The following PLVAP variants were observed in gnomAD, a reference collection of about 807,000 sequenced individuals.
PLVAP encodes the protein plasmalemma vesicle associated protein, also known as plasmalemma vesicle-associated protein.
In PLVAP, 34 loss-of-function variants were observed where a neutral mutation model predicts 43.1. The ratio of observed to expected loss-of-function variants is 0.79; its 90% confidence interval spans 0.60 to 1.05. PLVAP has a LOEUF of 1.05. Among genes scored for constraint, PLVAP ranks in the 50% least tolerant of loss-of-function variants. The pLI is 0.00. For synonymous variants in PLVAP, 241 were observed against 237.3 expected, an observed-to-expected ratio of 1.02 and a Z score of -0.14; for missense variants, 574 against 593.4, an observed-to-expected ratio of 0.97 and a Z score of 0.34.
chr19:17,366,316 CT>C, intron 1 of PLVAP, 121 bp from the exon 2 acceptor site: 1 of 836,018 alleles, frequency 1.2e-6, no homozygotes, highest in Non-Finnish European at 1.9e-6. Context: ...GGCATGGTCC[CT>C]TTATGAGGGA....
At position 17,363,741 on chromosome 19, in the gene PLVAP, ATT is replaced by A. The variant is rs35934458; in HGVS notation, c.1179+1543_1179+1544del. ...AGGTGTGTGCCACCACACCCGGCTA[ATT>A]TTTTTTTTTTTTTTTTTGAGAGAGA... On this transcript the variant is annotated intron_variant, in intron 3 of 5. Coordinates refer to ENST00000252590, the MANE Select transcript of PLVAP (RefSeq NM_031310.3). 9.4e-3 allele frequency among the ~76,000 whole-genome samples: 1,134 copies of A among 120,852 alleles called. 7 individuals are homozygous for A. The highest frequency in any genetic ancestry group is 0.025 in the African/African-American group (814 of 32,206). The allele number at this position is 120,852 out of a possible 152,430, so 79.3% of individuals were successfully genotyped here.
chr19:17,360,079 G>A (rs927471399), intron 5 of PLVAP, among the ~76,000 whole-genome samples: 3 of 152,228 alleles, frequency 2.0e-5, no homozygotes, highest in Non-Finnish European at 4.4e-5. Context: ...TTTGGGGTCC[G>A]ATGGCCTGGG....
chr19:17,354,686 G>C (rs8110502), intron 5 of PLVAP, among the ~76,000 whole-genome samples: 110,135 of 149,072 alleles, frequency 0.74, 41,064 homozygotes, highest in Middle Eastern at 0.8. Flanking sequence ...ATCACGAGAT[G>C]AGGAGATCGA....
rs150210307 is a variant in PLVAP, at chr19:17,365,502, C to T, written c.963G>A (p.Ala321=). Residue 321 remains alanine (A), a synonymous_variant, in exon 3 of 6, where the codon GCG becomes GCA. Coordinates refer to ENST00000252590, the MANE Select transcript of PLVAP (RefSeq NM_031310.3). The part of the protein sequence containing the change: ...AQQGLRASQE[A]KQKVEKEAQA... ...GAGCCTCCTTCTCCACCTTCTGTTT[C>T]GCCTCCTGACTGGCCCGCAGGCCCT... 9.9e-6 allele frequency: 16 copies of T among 1,612,334 alleles called. No individual in the cohort carries two copies. The highest frequency in any genetic ancestry group is 1.2e-5 in the Non-Finnish European group (14 of 1,180,022).
At chr19:17,357,350 G>C (rs1012224690) in intron 5 of PLVAP, among the ~76,000 whole-genome samples, 8 of 151,852 alleles carry the variant, frequency 5.3e-5, no homozygotes, top group African/African-American at 1.9e-4. Flanking sequence ...GCATGAGGTG[G>C]GTGATTTAAT....
chr19:17,353,008 G>A (rs1231293590), intron 5 of PLVAP, among the ~76,000 whole-genome samples: 1 of 152,174 alleles, frequency 6.6e-6, no homozygotes, highest in Admixed American at 6.6e-5. Flanking sequence ...GCCTTTGCAC[G>A]ATCGGAGTTG....
intron 1 of PLVAP, among the ~76,000 whole-genome samples, chr19:17,368,043 G>T (rs550821027): frequency 3.2e-4 from 46 of 145,904 alleles, no homozygotes; most frequent in African/African-American, 1.1e-3. Flanking sequence ...GATTACAGGG[G>T]CCCACCACCC....
At chr19:17,360,173 G>C (rs2074522435) in intron 5 of PLVAP, among the ~76,000 whole-genome samples, 3 of 152,318 alleles carry the variant, frequency 2.0e-5, no homozygotes, top group South Asian at 4.1e-4. Flanking sequence ...AAAGTGGGTA[G>C]AATAGTGGTT....
At chr19:17,360,892 C>CCTTTTCTTTT (rs1169138563) in intron 3 of PLVAP, 60 bp from the exon 4 acceptor site, 2 of 1,400,116 alleles carry the variant, frequency 1.4e-6, no homozygotes, top group Non-Finnish European at 9.9e-7. Context: ...CAGGCTTCTG[C>CCTTTTCTTTT]CTTTTCTTTT....
Position 17,370,669 on chromosome 19 carries a change from C to T in PLVAP, c.370-4474G>A, listed in dbSNP as rs755625924. Reference sequence around the variant, plus strand: ...AATGGGAAGTGACTGCTGATGGGGACGTGGGTTTTCTTTTGGGAAGGTGAA... The same window carrying T: ...AATGGGAAGTGACTGCTGATGGGGATGTGGGTTTTCTTTTGGGAAGGTGAA... On this transcript the variant is annotated intron_variant, in intron 1 of 5. Coordinates refer to ENST00000252590, the MANE Select transcript of PLVAP (RefSeq NM_031310.3). Among the ~76,000 whole-genome samples the T allele has an allele frequency of 3.5e-4, 53 of 151,992 alleles. No individual in the cohort carries two copies. In the Middle Eastern group the frequency reaches 0.017, roughly 49 times the overall value.
intron 5 of PLVAP, among the ~76,000 whole-genome samples, chr19:17,356,450 A>G (rs1012530550): frequency 1.3e-4 from 20 of 152,312 alleles, no homozygotes; most frequent in African/African-American, 4.8e-4. Flanking sequence ...AGTTAATACC[A>G]GCTAAGGCTT....
chr19:17,354,958 C>T (rs2074500698), intron 5 of PLVAP, among the ~76,000 whole-genome samples: 1 of 151,020 alleles, frequency 6.6e-6, no homozygotes, highest in African/African-American at 2.4e-5. Flanking sequence ...TGTGGTGGCC[C>T]AGCCTGTAAT....
intron 1 of PLVAP, among the ~76,000 whole-genome samples, chr19:17,366,887 C>T (rs1048635009): frequency 4.7e-5 from 7 of 150,464 alleles, no homozygotes; most frequent in Non-Finnish European, 1.0e-4. Context: ...CTGCCCGCCT[C>T]GGCTTCCCAA....
chr19:17,352,413 G>C (rs1014662621), intron 5 of PLVAP, 45 bp from the exon 6 acceptor site: 1 of 1,604,554 alleles, frequency 6.2e-7, no homozygotes. Context: ...GTCAGACAGA[G>C]GGAAGGGCAA....
At chr19:17,360,914 CTTTTTTTTTT>C (rs71336607) in intron 3 of PLVAP, 82 bp from the exon 4 acceptor site, 1 of 811,260 alleles carries the variant, frequency 1.2e-6, no homozygotes, top group African/African-American at 1.9e-5. Context: ...TTTTCTTTTT[CTTTTTTTTTT>C]TTTTTTTGAG....
At chr19:17,372,009 G>T (rs1041233858) in intron 1 of PLVAP, among the ~76,000 whole-genome samples, 1 of 150,778 alleles carries the variant, frequency 6.6e-6, no homozygotes, top group Admixed American at 6.6e-5. Context: ...GTCATTAGGA[G>T]GCTGAGGTGG....
rs1429709623 is a variant in PLVAP, at chr19:17,352,037, T to C, written c.*325A>G. 4 of 406,012 alleles carry C rather than the reference T, an allele frequency of 9.9e-6. No individual in the cohort carries two copies. Among genetic ancestry groups the C allele is most frequent in the Non-Finnish European group, 1.8e-5 (4 of 219,688 alleles). 25.2% of individuals were successfully genotyped at this position (406,012 alleles called of 1,614,324 possible). Reference sequence around the variant, plus strand: ...AAGTTCCCCATGTCTGTGTGCGACGTGCTGCATCTGCACGACGCCATCGCT... The same window carrying C: ...AAGTTCCCCATGTCTGTGTGCGACGCGCTGCATCTGCACGACGCCATCGCT... On this transcript the variant is annotated 3_prime_UTR_variant, in exon 6 of 6. Coordinates refer to ENST00000252590, the MANE Select transcript of PLVAP (RefSeq NM_031310.3).
intron 5 of PLVAP, among the ~76,000 whole-genome samples, chr19:17,360,121 G>T (rs917544508): frequency 6.6e-6 from 1 of 152,186 alleles, no homozygotes; most frequent in African/African-American, 2.4e-5. Flanking sequence ...GCTCCCTGGG[G>T]TACAGGGCAT....
rs187954105 is a variant in PLVAP, at chr19:17,351,907, C to A, written c.*455G>T. The A allele has an allele frequency of 4.9e-5, 10 of 205,128 alleles. No homozygotes were observed. The highest frequency in any genetic ancestry group is 2.3e-4 in the African/African-American group (10 of 43,336). 12.7% of individuals were successfully genotyped at this position (205,128 alleles called of 1,614,324 possible). On this transcript the variant is annotated 3_prime_UTR_variant, in exon 6 of 6. Transcript: ENST00000252590. The stretch of plus-strand genomic sequence containing the variant: ...TTGTCACTGTGTCTGTGTGTGACAT[C>A]ATCACCGTCTGTGTGATGCCATCGC...
Sources: allele counts gnomAD v4.1 joint callset (sites outside exome capture counted in the v4.1 genomes callset), GRCh38; gene constraint gnomAD v4.1.1; transcripts MANE v1.5; gene names NCBI Gene and HGNC (gene_info 2026-07-23, HGNC 2026-07-21).